ZHX2: variants seen among roughly 807,000 people sequenced by gnomAD.
ZHX2 encodes the protein zinc fingers and homeoboxes protein 2.
ZHX2 carries 6 observed loss-of-function variants against 21.9 expected under a neutral mutation model. The ratio of observed to expected loss-of-function variants is 0.27; its 90% CI spans 0.15 to 0.54. The LOEUF is 0.54. Ranked by LOEUF, ZHX2 falls within the 20% of genes least tolerant of loss-of-function variation. ZHX2 has a pLI of 0.95. For synonymous variants in ZHX2, 434 were observed against 437.1 expected, an observed-to-expected ratio of 0.99 and a Z score of 0.09; for missense variants, 908 against 1,090.7, an observed-to-expected ratio of 0.83 and a Z score of 2.36.
At chr8:122,856,704 T>C in intron 1 of ZHX2, among the ~76,000 whole-genome samples, 1 of 152,152 alleles carries the variant, frequency 6.6e-6, no homozygotes, top group East Asian at 1.9e-4. Flanking sequence ...AATGTTTCCC[T>C]CAACGAATCA....
At chr8:122,843,074 G>A (rs912852441) in intron 1 of ZHX2, among the ~76,000 whole-genome samples, 5 of 152,218 alleles carry the variant, frequency 3.3e-5, no homozygotes, top group Non-Finnish European at 5.9e-5. Context: ...ACCTTTACTC[G>A]TGGGCCATGG....
At chr8:122,927,379 C>G (rs1287974379) in intron 2 of ZHX2, among the ~76,000 whole-genome samples, 2 of 152,284 alleles carry the variant, frequency 1.3e-5, no homozygotes, top group African/African-American at 2.4e-5. Context: ...CCTATAATCC[C>G]AGATACTTGG....
At chr8:122,861,317 T>C (rs1025664880) in intron 1 of ZHX2, among the ~76,000 whole-genome samples, 1 of 152,170 alleles carries the variant, frequency 6.6e-6, no homozygotes, top group Non-Finnish European at 1.5e-5. Flanking sequence ...CCAATACTAC[T>C]TCCACATTTT....
In ZHX2 at chr8:122,854,644, TC is replaced by T. The variant is rs530095219; in HGVS notation, c.-282-8830del. 8.0e-4 allele frequency among the ~76,000 whole-genome samples: 122 copies of T among 152,176 alleles called. 1 individual carries two copies. Among genetic ancestry groups the T allele is most frequent in the Non-Finnish European group, 1.5e-3 (105 of 68,028 alleles). On this transcript the variant is annotated intron_variant, in intron 1 of 3. Coordinates refer to ENST00000314393, the MANE Select transcript of ZHX2 (RefSeq NM_014943.5). ...CTTGAATCAGAACTAAGATGGCAAG[TC>T]CCGAGGCACTGGCCACCTGAGTGAA...
At chr8:122,808,082 T>C (rs914748665) in intron 1 of ZHX2, among the ~76,000 whole-genome samples, 2 of 152,224 alleles carry the variant, frequency 1.3e-5, no homozygotes, top group East Asian at 1.9e-4. Flanking sequence ...ACTTACCTTT[T>C]TTCAGTTTAT....
At chr8:122,965,101 T>G (rs1813549193) in intron 3 of ZHX2, among the ~76,000 whole-genome samples, 1 of 151,720 alleles carries the variant, frequency 6.6e-6, no homozygotes, top group Non-Finnish European at 1.5e-5. Context: ...AAGAACCAGC[T>G]TTTTGTTTCA....
At chr8:122,818,704 A>G (rs1818080609) in intron 1 of ZHX2, among the ~76,000 whole-genome samples, 1 of 152,234 alleles carries the variant, frequency 6.6e-6, no homozygotes, top group African/African-American at 2.4e-5. Context: ...GCGCCCCGTG[A>G]GGAATTTGTT....
At chr8:122,845,913 G>A (rs1818739832) in intron 1 of ZHX2, among the ~76,000 whole-genome samples, 1 of 152,210 alleles carries the variant, frequency 6.6e-6, no homozygotes, top group African/African-American at 2.4e-5. Context: ...GGGTTCAGTG[G>A]AAAGCCTTCA....
At chr8:122,865,184 A>C (rs908433358) in intron 2 of ZHX2, among the ~76,000 whole-genome samples, 1 of 150,512 alleles carries the variant, frequency 6.6e-6, no homozygotes, top group African/African-American at 2.5e-5. Flanking sequence ...GCTGGAGTGC[A>C]GTGGCACGAT....
intron 2 of ZHX2, among the ~76,000 whole-genome samples, chr8:122,908,521 T>C (rs1820399551): frequency 6.6e-6 from 1 of 152,100 alleles, no homozygotes; most frequent in African/African-American, 2.4e-5. Context: ...AAAGTCCTTG[T>C]TTTACATGGA....
rs898524330 is a variant in ZHX2, at chr8:122,951,713, A to G, written c.203A>G (p.Glu68Gly). The change falls in exon 3 of 4, where the codon GAA becomes GGA. Residue 68 changes from glutamate to glycine, a missense_variant. Transcript: ENST00000314393. ...GTGATAGAGGTGAAATCTATGGGGG[A>G]AAGCCAGTCCAAAAAACTCCAAGGT... Reference protein sequence around the residue: ...NEVIEVKSMGESQSKKLQGGY... With the variant: ...NEVIEVKSMGGSQSKKLQGGY... The G allele has an allele frequency of 6.2e-7, 1 of 1,614,128 alleles. No homozygotes were observed. Among genetic ancestry groups the G allele is most frequent in the East Asian group, 2.2e-5 (1 of 44,872 alleles).
chr8:122,944,234 G>A (rs1812914417), intron 2 of ZHX2, among the ~76,000 whole-genome samples: 1 of 152,160 alleles, frequency 6.6e-6, no homozygotes, highest in Admixed American at 6.5e-5. Context: ...GTGACCTTAG[G>A]TGAGACATTT....
chr8:122,824,346 G>A (rs12549085), intron 1 of ZHX2, among the ~76,000 whole-genome samples: 36,092 of 152,136 alleles, frequency 0.24, 4,602 homozygotes, highest in South Asian at 0.32. Context: ...CTGACTCTAA[G>A]TGCCTAGAAC....
At chr8:122,880,867 A>G (rs1447899261) in intron 2 of ZHX2, among the ~76,000 whole-genome samples, 2 of 152,130 alleles carry the variant, frequency 1.3e-5, no homozygotes, top group African/African-American at 4.8e-5. Flanking sequence ...ATTACCCTAA[A>G]GAGCAGCTAA....
chr8:122,881,592 G>C (rs1819714688), intron 2 of ZHX2, among the ~76,000 whole-genome samples: 1 of 152,192 alleles, frequency 6.6e-6, no homozygotes, highest in Admixed American at 6.5e-5. Flanking sequence ...TTTAATCATA[G>C]GTAGAGATGA....
intron 3 of ZHX2, among the ~76,000 whole-genome samples, chr8:122,968,126 G>A (rs1813629511): frequency 6.6e-6 from 1 of 152,182 alleles, no homozygotes; most frequent in Non-Finnish European, 1.5e-5. Context: ...ACCCACACAT[G>A]TAAGCACTTT....
At position 122,782,481 on chromosome 8, in the gene ZHX2, G is replaced by T. The variant is rs1004271439; in HGVS notation, c.-283+535G>T. ...CCCGTCTCCGCGCGTTTTGGCAGGC[G>T]GGGGGCTGCGTGTGTCTGCTCCCCT... On this transcript the variant is annotated intron_variant, in intron 1 of 3. Coordinates refer to ENST00000314393, the MANE Select transcript of ZHX2 (RefSeq NM_014943.5). This position sits in a 1 kb window ranked among gnomAD's most constrained non-coding sequence, Gnocchi z 5.3. 6.6e-6 allele frequency among the ~76,000 whole-genome samples: 1 copy of T among 152,096 alleles called. No individual in the cohort carries two copies. Among genetic ancestry groups the T allele is most frequent in the Non-Finnish European group, 1.5e-5 (1 of 68,006 alleles).
chr8:122,955,681 C>A (rs1586423689), intron 3 of ZHX2, among the ~76,000 whole-genome samples: 1 of 151,968 alleles, frequency 6.6e-6, no homozygotes, highest in African/African-American at 2.4e-5. Context: ...TGGGCACAAC[C>A]CAAAGGGGAG....
At chr8:122,967,284 G>C (rs889628472) in intron 3 of ZHX2, among the ~76,000 whole-genome samples, 1 of 152,154 alleles carries the variant, frequency 6.6e-6, no homozygotes, top group Non-Finnish European at 1.5e-5. Context: ...GACTGTTTCA[G>C]TGGAAACATC....
Sources: gnomAD v4.1 joint callset for allele counts (sites outside exome capture counted in the v4.1 genomes callset) on GRCh38, gnomAD v4.1.1 for gene constraint, Gnocchi (gnomAD v3.1) non-coding constraint, MANE v1.5 for transcripts, NCBI Gene and HGNC (gene_info 2026-07-23, HGNC 2026-07-21) for gene names.